The following BTG4 variants were observed in gnomAD, a reference collection of about 807,000 sequenced individuals.
BTG4 encodes the protein protein BTG4.
In BTG4, 10 loss-of-function variants were observed where a neutral mutation model predicts 19.3. That is an observed-to-expected ratio of 0.52 (90% CI 0.32 to 0.88). BTG4 has a LOEUF of 0.88. BTG4 is among the 40% of genes least tolerant of loss of function. The pLI is 0.04. For missense variants in BTG4, 238 were observed against 281.9 expected (o/e 0.84, Z 1.11); for synonymous variants, 91 against 95.7 (o/e 0.95, Z 0.29).
At chr11:111,474,258 C>A (rs1337515337) in intron 5 of BTG4, among the ~76,000 whole-genome samples, 3 of 152,062 alleles carry the variant, frequency 2.0e-5, no homozygotes, top group African/African-American at 7.2e-5. Context: ...ACGAGTTGTC[C>A]AATGTGAATA....
At chr11:111,474,705 A>G (rs976182835) in intron 5 of BTG4, among the ~76,000 whole-genome samples, 4 of 152,144 alleles carry the variant, frequency 2.6e-5, no homozygotes, top group Non-Finnish European at 2.9e-5. Context: ...GTCTTAGGAC[A>G]TGGATATGTT....
chr11:111,389,257 A>C, the BTG4 span, among the ~76,000 whole-genome samples: 1 of 152,244 alleles, frequency 6.6e-6, no homozygotes, highest in African/African-American at 2.4e-5. Context: ...ATGAAGAGAC[A>C]GAGAAAATGA....
the BTG4 span, chr11:111,400,986 G>C: frequency 7.2e-6 from 1 of 139,272 alleles, no homozygotes; most frequent in Non-Finnish European, 1.5e-5. Context: ...GAAACTCACA[G>C]AGCAGAGGAC....
chr11:111,433,067 C>G, the BTG4 span, among the ~76,000 whole-genome samples: 1 of 152,144 alleles, frequency 6.6e-6, no homozygotes, highest in South Asian at 2.1e-4. Flanking sequence ...GCCAGGCAGA[C>G]TCTGACTTGG....
intron 4 of BTG4, chr11:111,496,892 G>GAA (rs5794752): frequency 0.78 from 229,138 of 293,204 alleles, 86,110 homozygotes; most frequent in South Asian, 0.91. Context: ...TCAATTGACA[G>GAA]AAAAAAAAAT....
intron 5 of BTG4, among the ~76,000 whole-genome samples, chr11:111,472,939 T>TTTATTACC (rs1326074719): frequency 6.6e-6 from 1 of 152,196 alleles, no homozygotes; most frequent in African/African-American, 2.4e-5. Context: ...ATAGCAAACA[T>TTTATTACC]TTATTACCTT....
At chr11:111,396,669 T>C in the BTG4 span, 87,615 of 152,200 alleles carry the variant, frequency 0.58, 27,040 homozygotes, top group Admixed American at 0.7. Flanking sequence ...CCTCCCAGCA[T>C]CCTTCAAAGA....
chr11:111,462,518 C>G, the BTG4 span: 1 of 152,650 alleles, frequency 6.6e-6, no homozygotes, highest in Non-Finnish European at 1.5e-5. Flanking sequence ...CCGTGGGGAG[C>G]CCCTCCTGCC....
At chr11:111,490,551 A>G (rs117496427), downstream of BTG4, among the ~76,000 whole-genome samples, 4,071 of 152,356 alleles carry the variant, frequency 0.027, 92 homozygotes, top group Middle Eastern at 0.088. Context: ...TATATCAAAT[A>G]TTCTCAAAAC....
At chr11:111,410,419 G>A in the BTG4 span, among the ~76,000 whole-genome samples, 1 of 152,166 alleles carries the variant, frequency 6.6e-6, no homozygotes, top group Admixed American at 6.5e-5. Flanking sequence ...TAGGAATGAG[G>A]CTTTGGCAGG....
chr11:111,401,261 C>A, the BTG4 span, among the ~76,000 whole-genome samples: 5 of 151,968 alleles, frequency 3.3e-5, no homozygotes, highest in South Asian at 6.2e-4. Flanking sequence ...CCAAGGCGGG[C>A]GGATCACGAG....
At chr11:111,499,270 T>C (rs1296164637) in intron 1 of BTG4, among the ~76,000 whole-genome samples, 4 of 152,178 alleles carry the variant, frequency 2.6e-5, no homozygotes, top group Non-Finnish European at 4.4e-5. Context: ...CTAAGAAAAG[T>C]GGGCGAGACT....
intron 1 of BTG4, among the ~76,000 whole-genome samples, chr11:111,500,934 G>A (rs1591524045): frequency 1.3e-5 from 2 of 151,966 alleles, no homozygotes; most frequent in South Asian, 2.1e-4. Flanking sequence ...CATTAAGATC[G>A]GATAGACCTG....
At chr11:111,415,740 A>G in the BTG4 span, among the ~76,000 whole-genome samples, 6 of 152,286 alleles carry the variant, frequency 3.9e-5, no homozygotes, top group African/African-American at 1.4e-4. Context: ...AGAGACCCAC[A>G]GTTTAGAAAT....
At chr11:111,412,512 T>G in the BTG4 span, among the ~76,000 whole-genome samples, 1 of 152,358 alleles carries the variant, frequency 6.6e-6, no homozygotes, top group East Asian at 1.9e-4. Context: ...GATACCATTT[T>G]CACTTTCAAA....
intron 1 of BTG4, among the ~76,000 whole-genome samples, chr11:111,501,746 G>T (rs568731958): frequency 4.3e-4 from 65 of 152,192 alleles, no homozygotes; most frequent in African/African-American, 1.5e-3. Context: ...ATTATATATT[G>T]TACACAAGTA....
chr11:111,386,462 G>A, the BTG4 span, among the ~76,000 whole-genome samples: 1 of 152,148 alleles, frequency 6.6e-6, no homozygotes, highest in Non-Finnish European at 1.5e-5. Context: ...TCTAAACTAT[G>A]AAGATTTTCT....
chr11:111,454,221 C>T, the BTG4 span: 4 of 444,764 alleles, frequency 9.0e-6, no homozygotes, highest in Non-Finnish European at 1.8e-5. Context: ...TCCTTCTTCC[C>T]TCCGACCCCC....
chr11:111,421,501 G>C, the BTG4 span, among the ~76,000 whole-genome samples: 1 of 152,206 alleles, frequency 6.6e-6, no homozygotes, highest in Middle Eastern at 3.2e-3. Context: ...GTCCCTGTGG[G>C]CTCCCATCTG....
Sources: allele counts gnomAD v4.1 joint callset (sites outside exome capture counted in the v4.1 genomes callset), GRCh38; gene constraint gnomAD v4.1.1; transcripts MANE v1.5; gene names NCBI Gene and HGNC (gene_info 2026-07-23, HGNC 2026-07-21).